The following INSL6 variants were observed in gnomAD, a reference collection of about 807,000 sequenced individuals.
INSL6 encodes the protein insulin like 6, also known as insulin-like peptide INSL6.
INSL6 carries 16 observed loss-of-function variants against 9.4 expected under a neutral mutation model. The observed-to-expected ratio is 1.70, with a 90% CI of 1.15 to 2.59. The LOEUF is 2.59. INSL6 is among the 30% of genes most tolerant of loss of function. INSL6 has a pLI of 0.00. For missense variants in INSL6, 391 were observed against 257.3 expected, an observed-to-expected ratio of 1.52 and a Z score of -3.56; for synonymous variants, 154 against 96.9, an observed-to-expected ratio of 1.59 and a Z score of -3.46.
At chr9:5,090,664 G>C in the INSL6 span, 9 of 1,516,562 alleles carry the variant, frequency 5.9e-6, no homozygotes, top group Non-Finnish European at 8.0e-6. Flanking sequence ...ATAATAAAGG[G>C]AATATATAGG....
At chr9:5,009,045 A>C in the INSL6 span, among the ~76,000 whole-genome samples, 1 of 152,070 alleles carries the variant, frequency 6.6e-6, no homozygotes, top group African/African-American at 2.4e-5. Flanking sequence ...CTTTTTCTTT[A>C]ATGTATAGAG....
chr9:5,069,616 C>G, the INSL6 span, among the ~76,000 whole-genome samples: 1 of 151,996 alleles, frequency 6.6e-6, no homozygotes, highest in African/African-American at 2.4e-5. Context: ...ATTAAAATTC[C>G]TGAAAAATTG....
the INSL6 span, chr9:5,040,877 C>G: frequency 4.0e-6 from 1 of 251,554 alleles, no homozygotes; most frequent in Non-Finnish European, 7.8e-6. Flanking sequence ...AGCGCGGATC[C>G]GCGCCGCGCT....
intron 2 of INSL6, among the ~76,000 whole-genome samples, chr9:5,153,470 G>T (rs767468580): frequency 4.6e-5 from 7 of 152,186 alleles, no homozygotes; most frequent in Non-Finnish European, 7.3e-5. Context: ...CAAGGCCACC[G>T]TGGAAAGACT....
chr9:5,053,090 C>A, the INSL6 span, among the ~76,000 whole-genome samples: 1 of 152,016 alleles, frequency 6.6e-6, no homozygotes, highest in Admixed American at 6.5e-5. Context: ...AGCAGCTGTG[C>A]CACATTACAT....
the INSL6 span, among the ~76,000 whole-genome samples, chr9:5,076,087 G>T: frequency 1.3e-5 from 2 of 152,172 alleles, no homozygotes; most frequent in East Asian, 1.9e-4. Context: ...ACAATCTCAC[G>T]ATAAGCCCTG....
rs35088555 is a variant in INSL6, at chr9:5,144,609, T to C, written c.377-11017A>G. ...AAAGTCTCCTATTATTGTGTGGCGG[T>C]CTAAGTCTCTTTGAAAGTCTCCAAG... On this transcript the variant is annotated intron_variant, in intron 2 of 3. Coordinates refer to the INSL6 transcript ENST00000649639. Among the ~76,000 whole-genome samples the C allele has an allele frequency of 9.2e-5, 14 of 152,292 alleles. 1 individual carries two copies. Among genetic ancestry groups the C allele is most frequent in the African/African-American group, 3.4e-4 (14 of 41,536 alleles).
intron 2 of INSL6, among the ~76,000 whole-genome samples, chr9:5,157,898 C>A (rs1824845752): frequency 6.6e-6 from 1 of 152,002 alleles, no homozygotes; most frequent in South Asian, 2.1e-4. Flanking sequence ...TGTGACCTTT[C>A]AGATAGAGAA....
At chr9:5,047,215 T>C in the INSL6 span, among the ~76,000 whole-genome samples, 1 of 152,246 alleles carries the variant, frequency 6.6e-6, no homozygotes, top group Admixed American at 6.5e-5. Flanking sequence ...ATGCATGTTG[T>C]AGACTATATA....
chr9:5,061,189 T>C, the INSL6 span, among the ~76,000 whole-genome samples: 5 of 152,206 alleles, frequency 3.3e-5, no homozygotes, highest in Admixed American at 2.0e-4. Context: ...CCTGGGATTT[T>C]TGGAATGGTA....
chr9:5,009,436 AT>A, the INSL6 span, among the ~76,000 whole-genome samples: 54 of 148,430 alleles, frequency 3.6e-4, no homozygotes, highest in East Asian at 5.9e-4. Flanking sequence ...ACTAGTCAGG[AT>A]TTTTTTTTTT....
intron 1 of INSL6, among the ~76,000 whole-genome samples, chr9:5,180,041 G>C (rs1386003148): frequency 1.3e-5 from 2 of 152,216 alleles, no homozygotes; most frequent in East Asian, 3.8e-4. Flanking sequence ...CTTCAAATTA[G>C]TGTATATATT....
At chr9:5,044,789 C>T in the INSL6 span, among the ~76,000 whole-genome samples, 18 of 151,990 alleles carry the variant, frequency 1.2e-4, no homozygotes, top group African/African-American at 2.9e-4. Flanking sequence ...TTAAGGATTT[C>T]GCAAAGTATA....
At chr9:5,102,669 AG>A in the INSL6 span, among the ~76,000 whole-genome samples, 1 of 152,228 alleles carries the variant, frequency 6.6e-6, no homozygotes, top group East Asian at 1.9e-4. Context: ...CACAAAGGGA[AG>A]CCCATCAGAC....
chr9:5,113,583 TC>T, the INSL6 span: 1 of 158,192 alleles, frequency 6.3e-6, no homozygotes, highest in Non-Finnish European at 1.4e-5. Context: ...TTCCCCTTGA[TC>T]CCCTGCTGCA....
At chr9:5,035,682 C>A in the INSL6 span, among the ~76,000 whole-genome samples, 2 of 152,152 alleles carry the variant, frequency 1.3e-5, no homozygotes, top group Non-Finnish European at 2.9e-5. Flanking sequence ...ATTCAACAAC[C>A]CTTCATGCTA....
the INSL6 span, among the ~76,000 whole-genome samples, chr9:5,013,063 T>C: frequency 6.6e-6 from 1 of 152,240 alleles, no homozygotes; most frequent in Non-Finnish European, 1.5e-5. Flanking sequence ...GATATAGGGG[T>C]GAAAAAAGAG....
At chr9:5,091,117 A>C in the INSL6 span, 1 of 423,394 alleles carries the variant, frequency 2.4e-6, no homozygotes, top group Non-Finnish European at 4.2e-6. Flanking sequence ...ATTTCTATTA[A>C]GTGTTGTCTT....
At chr9:5,054,514 C>G in the INSL6 span, 4 of 1,424,788 alleles carry the variant, frequency 2.8e-6, no homozygotes, top group Non-Finnish European at 3.8e-6. This position sits in a 1 kb window ranked among gnomAD's most constrained non-coding sequence, Gnocchi z 4.9. Flanking sequence ...GATTTATCTT[C>G]CAATTTTTGT....
Sources: allele counts gnomAD v4.1 joint callset (sites outside exome capture counted in the v4.1 genomes callset), GRCh38; gene constraint gnomAD v4.1.1; non-coding constraint Gnocchi (gnomAD v3.1); transcripts MANE v1.5; gene names NCBI Gene and HGNC (gene_info 2026-07-23, HGNC 2026-07-21).